Variants in PLCXD3 observed in about 807,000 individuals in gnomAD.
The protein encoded by PLCXD3 is PI-PLC X domain-containing protein 3.
A neutral mutation model predicts 25.5 loss-of-function variants in PLCXD3; 19 were observed. That is an observed-to-expected ratio of 0.75 (90% CI 0.52 to 1.09). PLCXD3 has a LOEUF of 1.09. Among genes scored for constraint, PLCXD3 ranks in the 50% least tolerant of loss-of-function variants. The pLI is 0.00. For missense variants in PLCXD3, 411 were observed against 388.1 expected (o/e 1.06, Z -0.50); for synonymous variants, 174 against 137.6 (o/e 1.26, Z -1.85).
rs1743193460 is a variant in PLCXD3, at chr5:41,313,316, T to C, written c.*301A>G. 3.3e-6 allele frequency: 1 copy of C among 301,830 alleles called. No homozygotes were observed. Among genetic ancestry groups the C allele is most frequent in the Non-Finnish European group, 6.2e-6 (1 of 161,092 alleles). 18.7% of individuals were successfully genotyped at this position (301,830 alleles called of 1,614,324 possible). On this transcript the variant is annotated 3_prime_UTR_variant, in exon 3 of 3. Transcript: ENST00000377801. The stretch of plus-strand genomic sequence containing the variant: ...GCTGGAAATAGAGAACCTAATCAAG[T>C]AAACACTCATGAATTCTATGTTACA...
intron 1 of PLCXD3, among the ~76,000 whole-genome samples, chr5:41,440,539 A>G (rs924990106): frequency 4.6e-5 from 7 of 151,988 alleles, no homozygotes; most frequent in African/African-American, 7.2e-5. Flanking sequence ...AGCAAAATAC[A>G]TAATCTCTAA....
rs556091115 is a variant in PLCXD3 at position 41,469,470 on chromosome 5, A to C, written c.103+40954T>G. Among the ~76,000 whole-genome samples, 7 of 150,086 alleles carry C rather than the reference A, an allele frequency of 4.7e-5. No homozygotes were observed. The East Asian group carries it at 1.4e-3, about 30-fold the overall frequency. The stretch of plus-strand genomic sequence containing the variant: ...CTTCTTTAAATGTTTGGTAGAATTC[A>C]ACCATGAATCCATCTGGTTGTGAGC... On this transcript the variant is annotated intron_variant, in intron 1 of 2. Transcript: ENST00000377801.
chr5:41,331,583 G>A (rs992009681), intron 2 of PLCXD3, among the ~76,000 whole-genome samples: 6 of 151,936 alleles, frequency 3.9e-5, no homozygotes, highest in African/African-American at 9.7e-5. Context: ...ACAGAATTGG[G>A]AAAAACTACT....
At chr5:41,413,753 A>T (rs1746622888) in intron 1 of PLCXD3, among the ~76,000 whole-genome samples, 1 of 152,210 alleles carries the variant, frequency 6.6e-6, no homozygotes, top group African/African-American at 2.4e-5. Flanking sequence ...CAGTGTGAGT[A>T]GGCTTTGATT....
At chr5:41,371,641 C>A (rs551604539) in intron 2 of PLCXD3, among the ~76,000 whole-genome samples, 1 of 152,270 alleles carries the variant, frequency 6.6e-6, no homozygotes, top group Admixed American at 6.5e-5. Flanking sequence ...GTATGAACCC[C>A]ATGGTATGTT....
intron 2 of PLCXD3, among the ~76,000 whole-genome samples, chr5:41,369,535 C>G (rs1241915772): frequency 2.0e-5 from 3 of 152,098 alleles, no homozygotes; most frequent in Non-Finnish European, 4.4e-5. Context: ...GGCTGGAGTA[C>G]AGAGGCTCCA....
chr5:41,461,811 C>A (rs1315029511), intron 1 of PLCXD3, among the ~76,000 whole-genome samples: 2 of 151,972 alleles, frequency 1.3e-5, no homozygotes, highest in Non-Finnish European at 2.9e-5. Flanking sequence ...GTTGACACCT[C>A]AGCCCCCTCA....
chr5:41,356,702 G>C (rs1744629357), intron 2 of PLCXD3, among the ~76,000 whole-genome samples: 1 of 152,110 alleles, frequency 6.6e-6, no homozygotes, highest in Admixed American at 6.5e-5. Flanking sequence ...AATATTTACT[G>C]AAACACATGC....
chr5:41,374,946 C>T (rs1745242359), intron 2 of PLCXD3, among the ~76,000 whole-genome samples: 1 of 152,016 alleles, frequency 6.6e-6, no homozygotes, highest in Non-Finnish European at 1.5e-5. Flanking sequence ...GAGTCTCAAC[C>T]TCTAAGTGAG....
intron 1 of PLCXD3, among the ~76,000 whole-genome samples, chr5:41,504,769 T>C (rs2111592090): frequency 6.6e-6 from 1 of 152,292 alleles, no homozygotes; most frequent in Middle Eastern, 3.4e-3. Flanking sequence ...GCAGATACCA[T>C]GTTGTAGCCC....
intron 1 of PLCXD3, among the ~76,000 whole-genome samples, chr5:41,504,330 C>A (rs1417738906): frequency 6.6e-6 from 1 of 152,158 alleles, no homozygotes; most frequent in Non-Finnish European, 1.5e-5. Flanking sequence ...TAACATTGAG[C>A]ATAATGCAGA....
chr5:41,348,594 A>ACTTATAAGG (rs1164310890), intron 2 of PLCXD3, among the ~76,000 whole-genome samples: 3 of 152,220 alleles, frequency 2.0e-5, no homozygotes, highest in African/African-American at 7.2e-5. Context: ...TCCCATCACC[A>ACTTATAAGG]TCATATAAGA....
chr5:41,420,264 T>A (rs1746788811), intron 1 of PLCXD3, among the ~76,000 whole-genome samples: 1 of 152,192 alleles, frequency 6.6e-6, no homozygotes, highest in Non-Finnish European at 1.5e-5. Context: ...AGAAGAAAAC[T>A]GATACATGTC....
At chr5:41,359,261 CTA>C (rs1025447966) in intron 2 of PLCXD3, among the ~76,000 whole-genome samples, 22 of 152,134 alleles carry the variant, frequency 1.4e-4, no homozygotes, top group Non-Finnish European at 4.4e-5. Flanking sequence ...CCCTCTTTCT[CTA>C]TCTTTTGGAG....
At chr5:41,485,989 A>G (rs1415751437) in intron 1 of PLCXD3, among the ~76,000 whole-genome samples, 2 of 152,224 alleles carry the variant, frequency 1.3e-5, no homozygotes, top group Non-Finnish European at 2.9e-5. Flanking sequence ...GCCTTGTAAC[A>G]ACGGGAAGTT....
intron 1 of PLCXD3, among the ~76,000 whole-genome samples, chr5:41,421,429 C>T (rs1746819648): frequency 6.6e-6 from 1 of 152,074 alleles, no homozygotes; most frequent in South Asian, 2.1e-4. Context: ...GAGCTGGGCG[C>T]GGTGGCTCAC....
intron 2 of PLCXD3, among the ~76,000 whole-genome samples, chr5:41,364,677 C>A (rs1229184940): frequency 2.0e-5 from 3 of 152,114 alleles, no homozygotes; most frequent in East Asian, 3.9e-4. Context: ...ATAAAATTGT[C>A]CTTTCTCATT....
chr5:41,493,466 G>T (rs918926334), intron 1 of PLCXD3, among the ~76,000 whole-genome samples: 6 of 152,232 alleles, frequency 3.9e-5, no homozygotes, highest in Non-Finnish European at 8.8e-5. Context: ...CTTCAAAGCT[G>T]TCAGACAGGG....
chr5:41,363,074 C>T (rs1744836544), intron 2 of PLCXD3, among the ~76,000 whole-genome samples: 1 of 152,148 alleles, frequency 6.6e-6, no homozygotes, highest in Non-Finnish European at 1.5e-5. Flanking sequence ...GGACAACTGC[C>T]TTTTCAGATA....
Sources: allele counts gnomAD v4.1 joint callset (sites outside exome capture counted in the v4.1 genomes callset), GRCh38; gene constraint gnomAD v4.1.1; transcripts MANE v1.5; gene names NCBI Gene and HGNC (gene_info 2026-07-23, HGNC 2026-07-21).